DMXL2: variants seen among roughly 807,000 people sequenced by gnomAD.
DMXL2 encodes Dmx like 2.
Under a neutral mutation model 331.1 loss-of-function variants are expected in DMXL2, and 103 were observed. The ratio of observed to expected loss-of-function variants is 0.31; its 90% CI spans 0.27 to 0.37. The LOEUF is 0.37. Ranked by LOEUF, DMXL2 falls within the 10% of genes least tolerant of loss-of-function variation. The pLI is 1.00. For synonymous variants in DMXL2, 1,281 were observed against 1,252.1 expected, an observed-to-expected ratio of 1.02 and a Z score of -0.49; for missense variants, 3,171 against 3,642.9, an observed-to-expected ratio of 0.87 and a Z score of 3.33.
intron 30 of DMXL2, 64 bp from the exon 31 acceptor site, chr15:51,465,715 G>A: frequency 2.5e-6 from 3 of 1,201,786 alleles, no homozygotes; most frequent in Non-Finnish European, 3.6e-6. Context: ...AAACAGAGTG[G>A]TGTTCCCTGC....
At chr15:51,494,672 A>G (rs1381998547) in intron 19 of DMXL2, among the ~76,000 whole-genome samples, 2 of 152,190 alleles carry the variant, frequency 1.3e-5, no homozygotes, top group Non-Finnish European at 2.9e-5. Context: ...ATAAAAACAC[A>G]TCGCAGAGCA....
chr15:51,450,750 G>T (rs552945015), intron 42 of DMXL2: 598 of 168,558 alleles, frequency 3.5e-3, no homozygotes, highest in Non-Finnish European at 6.1e-3. Flanking sequence ...GAGAAAATGT[G>T]TGAATGTTTT....
rs758584239 is a variant in DMXL2, at chr15:51,498,933, G to A, written c.4291C>T (p.Leu1431=). The A allele has an allele frequency of 6.2e-6, 10 of 1,614,004 alleles. No individual in the cohort carries two copies. In the African/African-American group the frequency reaches 1.2e-4, roughly 19 times the overall value. ...TEIDSIPPLP[L]YALLAADQDT... is the part of the protein sequence containing the mutation. ...TGATCTGCAGCAAGTAATGCATATAGTGGTAGTGGAGGGATAGAATCTATC... is the reference window on the plus strand; with the variant it reads ...TGATCTGCAGCAAGTAATGCATATAATGGTAGTGGAGGGATAGAATCTATC... Residue 1431 remains leucine, a synonymous_variant, in exon 18 of 44, where the codon CTA becomes TTA. Transcript: ENST00000560891.
At chr15:51,457,583 A>C in intron 36 of DMXL2, 117 bp from the exon 37 acceptor site, 3 of 1,273,856 alleles carry the variant, frequency 2.4e-6, no homozygotes, top group Non-Finnish European at 3.2e-6. Flanking sequence ...CTAAGTAGCC[A>C]TGAGAAAAAC....
intron 33 of DMXL2, chr15:51,460,323 G>A (rs768217437): frequency 4.3e-5 from 42 of 985,242 alleles, no homozygotes; most frequent in Non-Finnish European, 4.7e-5. Flanking sequence ...TCATCACGAA[G>A]GGCCATTCAA....
Position 51,536,686 on chromosome 15 carries a change from G to A in DMXL2, c.1794C>T (p.Ser598=), listed in dbSNP as rs754936461. ...CTAAGATGTTCATATGTGTACTGTG[G>A]GATCTAGAGTGTGGCTGTGATCCGT... ...SPHGSQPHSR[S]HSTHMNILAP... Residue 598 remains serine (S), a synonymous_variant, in exon 12 of 44, where the codon TCC becomes TCT. Transcript: ENST00000560891. The A allele has an allele frequency of 2.1e-5, 34 of 1,613,914 alleles. No individual in the cohort carries two copies. The East Asian group carries it at 7.6e-4, about 36-fold the overall frequency.
intron 1 of DMXL2, among the ~76,000 whole-genome samples, chr15:51,598,349 A>G (rs2052979472): frequency 6.6e-6 from 1 of 152,154 alleles, no homozygotes; most frequent in African/African-American, 2.4e-5. Context: ...AGTTGCAGGC[A>G]TGATTCCTTT....
Position 51,480,243 on chromosome 15 carries a change from G to A in DMXL2, c.6565-104C>T, listed in dbSNP as rs755342210. On this transcript the variant is annotated intron_variant, in intron 24 of 43. Coordinates refer to ENST00000560891, the MANE Select transcript of DMXL2 (RefSeq NM_001378457.1). ...AACATTGTGTAAAGGGAATATGTTC[G>A]CTCACTCATTCTACACAAATTTATT... is the stretch of plus-strand genomic sequence containing the variant. 1.8e-4 allele frequency: 208 copies of A among 1,164,602 alleles called. 1 individual carries two copies. The highest frequency in any genetic ancestry group is 2.4e-4 in the Middle Eastern group (1 of 4,158). 72.1% of individuals were successfully genotyped at this position (1,164,602 alleles called of 1,614,324 possible).
chr15:51,606,610 A>C (rs1216582961), intron 1 of DMXL2, among the ~76,000 whole-genome samples: 1 of 152,198 alleles, frequency 6.6e-6, no homozygotes, highest in Non-Finnish European at 1.5e-5. Flanking sequence ...ATGTCACCTA[A>C]TTAAATTAAA....
intron 15 of DMXL2, among the ~76,000 whole-genome samples, chr15:51,511,931 AAC>A (rs1482152029): frequency 6.6e-6 from 1 of 152,168 alleles, no homozygotes; most frequent in Admixed American, 6.5e-5. Flanking sequence ...TCAGCAAACT[AAC>A]ACAGGAACAG....
chr15:51,582,281 T>C lies in DMXL2; in HGVS notation c.88-6100A>G, dbSNP rs578113553. Among the ~76,000 whole-genome samples, 5 of 152,338 alleles carry C rather than the reference T, an allele frequency of 3.3e-5. No individual in the cohort carries two copies. The South Asian group carries it at 6.2e-4, about 19-fold the overall frequency. ...ATTCCTATGTCACAAGGTAAATACA[T>C]GACTATAATTCAAACTCAGCCCTCT... On this transcript the variant is annotated intron_variant, in intron 1 of 43. Transcript: ENST00000560891.
chr15:51,499,294 A>C lies in DMXL2; in HGVS notation c.3930T>G (p.Ser1310Arg). The part of the protein sequence containing the change: ...TFKSNMLARK[S>R]VVEGTAISDD... ...CAGAAATAGCTGTTCCTTCAACAAC[A>C]CTTTTTCTTGCCAGCATATTAGATT... The change falls in exon 18 of 44, where the codon AGT (serine) becomes AGG (arginine). Residue 1310 changes from serine to arginine, a missense_variant. Around this residue, in one of 7 missense-constraint regions of DMXL2, gnomAD observed 1,674 missense variants for 1,780.2 expected, o/e 0.94. Coordinates refer to ENST00000560891, the MANE Select transcript of DMXL2 (RefSeq NM_001378457.1). 1 of 1,613,948 alleles carries C rather than the reference A, an allele frequency of 6.2e-7. No individual in the cohort carries two copies. Among genetic ancestry groups the C allele is most frequent in the Non-Finnish European group, 8.5e-7 (1 of 1,180,024 alleles).
chr15:51,606,863 G>C (rs888537415), intron 1 of DMXL2, among the ~76,000 whole-genome samples: 1 of 152,156 alleles, frequency 6.6e-6, no homozygotes, highest in African/African-American at 2.4e-5. Context: ...AGGATAAAAA[G>C]ATAGAAAACA....
intron 33 of DMXL2, 194 bp downstream of exon 33, chr15:51,463,185 T>TA (rs1046932734): frequency 2.4e-6 from 1 of 425,432 alleles, no homozygotes; most frequent in African/African-American, 2.1e-5. Flanking sequence ...TTTATCAAAG[T>TA]ACCTATGTTG....
intron 29 of DMXL2, among the ~76,000 whole-genome samples, chr15:51,469,919 T>A (rs1164975848): frequency 6.6e-6 from 1 of 152,182 alleles, no homozygotes; most frequent in African/African-American, 2.4e-5. Flanking sequence ...AACCTGGAAA[T>A]CTGCACTCAC....
At chr15:51,617,298 A>G (rs2054348048) in intron 1 of DMXL2, among the ~76,000 whole-genome samples, 1 of 152,200 alleles carries the variant, frequency 6.6e-6, no homozygotes, top group Non-Finnish European at 1.5e-5. Context: ...GAACCTAAAC[A>G]CCATCACACT....
At chr15:51,572,744 G>A (rs962512549) in intron 2 of DMXL2, among the ~76,000 whole-genome samples, 44 of 152,114 alleles carry the variant, frequency 2.9e-4, no homozygotes, top group African/African-American at 1.0e-3. Context: ...AGCCCTTCAT[G>A]CTAAAAACTC....
chr15:51,462,089 A>G (rs975203180), intron 33 of DMXL2, among the ~76,000 whole-genome samples: 3 of 152,200 alleles, frequency 2.0e-5, no homozygotes, highest in Non-Finnish European at 4.4e-5. Flanking sequence ...ATTTAAGTAT[A>G]TAATTTTTAA....
At position 51,593,254 on chromosome 15, in the gene DMXL2, G is replaced by A. The variant is rs555931743; in HGVS notation, c.88-17073C>T. On this transcript the variant is annotated intron_variant, in intron 1 of 43. Coordinates refer to ENST00000560891, the MANE Select transcript of DMXL2 (RefSeq NM_001378457.1). ...GCAAATAGAAAACAAAAAAAGGCAG[G>A]GGTTGCAATCCTAGTCTCTGATAAA... Among the ~76,000 whole-genome samples the A allele has an allele frequency of 1.9e-3, 292 of 152,124 alleles. 2 individuals carry two copies. The highest frequency in any genetic ancestry group is 6.8e-3 in the African/African-American group (280 of 41,476).
Sources: allele counts gnomAD v4.1 joint callset (sites outside exome capture counted in the v4.1 genomes callset), GRCh38; gene constraint gnomAD v4.1.1; regional missense constraint gnomAD v4.1.1; transcripts MANE v1.5; gene names NCBI Gene and HGNC (gene_info 2026-07-23, HGNC 2026-07-21).